TMPRSS4: variants seen among roughly 807,000 people sequenced by gnomAD.
TMPRSS4 encodes the protein transmembrane protease serine 4.
A neutral mutation model predicts 56.4 loss-of-function variants in TMPRSS4; 45 were observed. That is an observed-to-expected ratio of 0.80 (90% CI 0.63 to 1.02). The LOEUF (loss-of-function observed/expected upper bound fraction) is 1.02. TMPRSS4 is among the 50% of genes least tolerant of loss of function. The pLI, the probability that TMPRSS4 is intolerant of heterozygous loss-of-function variation, is 0.00. For missense variants in TMPRSS4, 546 were observed against 556.7 expected (o/e 0.98, Z 0.19); for synonymous variants, 205 against 211.0 (o/e 0.97, Z 0.25).
intron 3 of TMPRSS4, among the ~76,000 whole-genome samples, chr11:118,100,180 G>A (rs545845436): frequency 1.8e-4 from 27 of 152,240 alleles, no homozygotes; most frequent in African/African-American, 6.5e-4. Context: ...TCCTCCCTCA[G>A]AGCGATATCA....
chr11:118,124,174 C>G (rs1947848879), downstream of TMPRSS4, among the ~76,000 whole-genome samples: 1 of 151,992 alleles, frequency 6.6e-6, no homozygotes, highest in African/African-American at 2.4e-5. Context: ...ATCACCAGGT[C>G]AAGAAATCAA....
chr11:118,081,258 T>G (rs1473517809), intron 1 of TMPRSS4, among the ~76,000 whole-genome samples: 1 of 152,150 alleles, frequency 6.6e-6, no homozygotes, highest in Non-Finnish European at 1.5e-5. Flanking sequence ...ACTAAAGTGT[T>G]TTTATCCCAG....
rs564167547 is a variant in TMPRSS4, at chr11:118,101,612, C to G, written c.158-1489C>G. Among the ~76,000 whole-genome samples, 12 of 152,170 alleles carry G rather than the reference C, an allele frequency of 7.9e-5. No homozygotes were observed. The East Asian group carries it at 2.1e-3, about 27-fold the overall frequency. ...CCTCAGCCTCCCAAGTAGCTAGGAC[C>G]ACAGGGGCACACCACCATGCCTGGC... On this transcript the variant is annotated intron_variant, in intron 3 of 12. Transcript: ENST00000437212.
At chr11:118,092,638 G>A (rs540811105) in intron 1 of TMPRSS4, among the ~76,000 whole-genome samples, 1 of 152,228 alleles carries the variant, frequency 6.6e-6, no homozygotes, top group Non-Finnish European at 1.5e-5. Context: ...TAATCTTGGG[G>A]CTAACGTTAG....
intron 3 of TMPRSS4, among the ~76,000 whole-genome samples, chr11:118,099,828 T>C (rs1946647615): frequency 6.6e-6 from 1 of 152,148 alleles, no homozygotes; most frequent in African/African-American, 2.4e-5. Flanking sequence ...CCCCTTCAGC[T>C]TGGCCTTCAC....
At chr11:118,103,389 T>TTTG (rs1235604206) in intron 4 of TMPRSS4, 136 bp downstream of exon 4, 17 of 1,140,922 alleles carry the variant, frequency 1.5e-5, no homozygotes, top group Non-Finnish European at 1.9e-5. Context: ...TGTTTGTTTG[T>TTTG]TTGTTGTTGT....
chr11:118,103,156 C>T lies in TMPRSS4; in HGVS notation c.213C>T (p.Ile71=), dbSNP rs749801075. Residue 71 remains isoleucine (I), a synonymous_variant, in exon 4 of 13, where the codon ATC becomes ATT. Coordinates refer to ENST00000437212, the MANE Select transcript of TMPRSS4 (RefSeq NM_019894.4). ...TCTGCGGGCAGCCTCTCCACTTCAT[C>T]CCGAGGAAGCAGCTGTGTGACGGAG... The part of the protein sequence containing the change: ...YFLCGQPLHF[I]PRKQLCDGEL... The T allele has an allele frequency of 2.5e-6, 4 of 1,614,222 alleles. No homozygotes were observed. The Admixed American group carries it at 5.0e-5, about 20-fold the overall frequency.
chr11:118,096,930 A>G (rs1287119750), intron 2 of TMPRSS4, among the ~76,000 whole-genome samples: 2 of 104,142 alleles, frequency 1.9e-5, no homozygotes, highest in Non-Finnish European at 4.5e-5. Flanking sequence ...AAAGGAAAGA[A>G]AGAAAGAGAA....
chr11:118,121,521 G>C lies in TMPRSS4; in HGVS notation c.*3608G>C, dbSNP rs1343274079. 2 of 152,114 alleles carry C rather than the reference G, an allele frequency of 1.3e-5. No individual in the cohort carries two copies. Among genetic ancestry groups the C allele is most frequent in the East Asian group, 3.8e-4 (2 of 5,202 alleles). 9.4% of individuals were successfully genotyped at this position (152,114 alleles called of 1,614,324 possible). On this transcript the variant is annotated 3_prime_UTR_variant, in exon 13 of 13. Transcript: ENST00000437212. ...TTACATGCACATGCCACCATATCCG[G>C]CTAATTTTTGAATTTTTAGTAGAGA...
At chr11:118,103,843 C>A (rs372976860) in intron 4 of TMPRSS4, among the ~76,000 whole-genome samples, 24 of 152,334 alleles carry the variant, frequency 1.6e-4, no homozygotes, top group African/African-American at 5.8e-4. Flanking sequence ...GGATTTCAGG[C>A]AGAGGGCTAG....
Position 118,095,659 on chromosome 11 carries a change from C to G in TMPRSS4, c.43+804C>G, listed in dbSNP as rs79134724. ...GAGAACTCTCAAACCAGAAAACAAG[C>G]TGAATTTGCTCGAGGACCAGGGAGT... On this transcript the variant is annotated intron_variant, in intron 2 of 12. Coordinates refer to ENST00000437212, the MANE Select transcript of TMPRSS4 (RefSeq NM_019894.4). 7.7e-3 allele frequency among the ~76,000 whole-genome samples: 1,180 copies of G among 152,292 alleles called. 17 individuals are homozygous for G. Among genetic ancestry groups the G allele is most frequent in the African/African-American group, 0.027 (1,137 of 41,548 alleles).
rs570391388 is a variant in TMPRSS4 at position 118,119,443 on chromosome 11, G to A, written c.*1530G>A. ...GAGCTCACAATCAAAGATCAGAGACGTTGAAAAATAAAAAACACCTTAAGT... is the reference window on the plus strand; with the variant it reads ...GAGCTCACAATCAAAGATCAGAGACATTGAAAAATAAAAAACACCTTAAGT... On this transcript the variant is annotated 3_prime_UTR_variant, in exon 13 of 13. Transcript: ENST00000437212. 6.9e-6 allele frequency: 6 copies of A among 871,318 alleles called. No individual in the cohort carries two copies. The highest frequency in any genetic ancestry group is 2.4e-4 in the East Asian group (2 of 8,216). The allele number at this position is 871,318 out of a possible 1,614,324, so 54.0% of individuals were successfully genotyped here.
At chr11:118,083,400 C>T (rs1355036302) in intron 1 of TMPRSS4, among the ~76,000 whole-genome samples, 2 of 152,184 alleles carry the variant, frequency 1.3e-5, no homozygotes, top group Non-Finnish European at 2.9e-5. Context: ...GTCCCAACTG[C>T]CCTGGTCACT....
At chr11:118,124,005 A>G (rs1038112972), downstream of TMPRSS4, among the ~76,000 whole-genome samples, 2 of 152,176 alleles carry the variant, frequency 1.3e-5, no homozygotes, top group African/African-American at 2.4e-5. Context: ...TGTGACAATG[A>G]TATAGTTAAG....
At position 118,103,247 on chromosome 11, in the gene TMPRSS4, G is replaced by A. The variant is rs1946811289; in HGVS notation, c.304G>A (p.Val102Met). The change falls in exon 4 of 13, where the codon GTG becomes ATG. Residue 102 changes from valine to methionine, a missense_variant. Val to Met is a conservative substitution (Grantham distance 21). Coordinates refer to ENST00000437212, the MANE Select transcript of TMPRSS4 (RefSeq NM_019894.4). ...CVKSFPEGPAVAVRLSKDRST... is the reference protein window; with the variant it reads ...CVKSFPEGPAMAVRLSKDRST... The stretch of plus-strand genomic sequence containing the variant: ...CAAGAGCTTCCCCGAAGGGCCTGCA[G>A]TGGCAGGTGAGTGCAGGGTCTGAGG... The A allele has an allele frequency of 6.2e-7, 1 of 1,613,392 alleles. No homozygotes were observed. Among genetic ancestry groups the A allele is most frequent in the Non-Finnish European group, 8.5e-7 (1 of 1,179,888 alleles).
chr11:118,121,848 A>G lies in TMPRSS4; in HGVS notation c.*3935A>G, dbSNP rs908103523. 3.3e-5 allele frequency: 5 copies of G among 152,114 alleles called. No homozygotes were observed. The highest frequency in any genetic ancestry group is 1.2e-4 in the African/African-American group (5 of 41,380). The allele number at this position is 152,114 out of a possible 1,614,324, so 9.4% of individuals were successfully genotyped here. On this transcript the variant is annotated 3_prime_UTR_variant, in exon 13 of 13. Transcript: ENST00000437212. ...TTTTAAAGGCCTAACTGAAATATGG[A>G]GTAACCACAGCATGCAGCATGTAAA...
chr11:118,100,211 C>T (rs1183307792), intron 3 of TMPRSS4, among the ~76,000 whole-genome samples: 4 of 152,206 alleles, frequency 2.6e-5, no homozygotes, highest in African/African-American at 9.7e-5. Flanking sequence ...TGAGATAACA[C>T]ATGTAAAGGA....
chr11:118,077,318 C>T lies in TMPRSS4; in HGVS notation c.3+13C>T. On this transcript the variant is annotated intron_variant, in intron 1 of 12. Coordinates refer to ENST00000437212, the MANE Select transcript of TMPRSS4 (RefSeq NM_019894.4). ...CAGAGCCAGCATGGTGAGTGTGGGG[C>T]CCTCTGCTCCCAAGACACAGGAAGG... 3 of 1,596,622 alleles carry T rather than the reference C, an allele frequency of 1.9e-6. No homozygotes were observed. Among genetic ancestry groups the T allele is most frequent in the Non-Finnish European group, 2.6e-6 (3 of 1,171,402 alleles).
chr11:118,123,979 T>C (rs991022539), downstream of TMPRSS4, among the ~76,000 whole-genome samples: 8 of 152,156 alleles, frequency 5.3e-5, no homozygotes, highest in Non-Finnish European at 1.2e-4. Context: ...AATAAGGAAT[T>C]GTTAATTTCA....
Sources: allele counts gnomAD v4.1 joint callset (sites outside exome capture counted in the v4.1 genomes callset), GRCh38; gene constraint gnomAD v4.1.1; transcripts MANE v1.5; gene names NCBI Gene and HGNC (gene_info 2026-07-23, HGNC 2026-07-21).